Variants in NBPF9 observed in about 807,000 individuals in gnomAD.
NBPF9 encodes NBPF family member NBPF9.
NBPF9 carries 91 observed loss-of-function variants against 97.8 expected under a neutral mutation model. That is an observed-to-expected ratio of 0.93 (90% CI 0.79 to 1.11). The LOEUF (loss-of-function observed/expected upper bound fraction) is 1.11, where lower values mean the gene tolerates loss of function less well. NBPF9 is among the 50% of genes least tolerant of loss of function. NBPF9 has a pLI of 0.00. For synonymous variants in NBPF9, 334 were observed against 359.5 expected (o/e 0.93, Z 0.80); for missense variants, 992 against 939.5 (o/e 1.06, Z -0.73).
rs1318050586 is a variant in NBPF9, at chr1:149,089,074, G to A, written c.-195+1679C>T. 3.2e-4 allele frequency among the ~76,000 whole-genome samples: 49 copies of A among 151,884 alleles called. 1 individual carries two copies. Among genetic ancestry groups the A allele is most frequent in the Non-Finnish European group, 3.8e-4 (26 of 67,974 alleles). ...GGAAATCCCTCCCGCCTTGTCTCTAGACAGCCAAGTCCCACGGCCTGTCCT... is the reference window on the plus strand; with the variant it reads ...GGAAATCCCTCCCGCCTTGTCTCTAAACAGCCAAGTCCCACGGCCTGTCCT... On this transcript the variant is annotated intron_variant, in intron 5 of 29. Transcript: ENST00000584027.
intron 25 of NBPF9, chr1:149,059,461 T>G: frequency 2.5e-6 from 1 of 400,782 alleles, no homozygotes; most frequent in Non-Finnish European, 4.5e-6. Context: ...CAAAATTCGA[T>G]GCAGTGGCCA....
chr1:149,060,228 TGAG>T (rs2078510921), intron 24 of NBPF9: 1 of 200,778 alleles, frequency 5.0e-6, no homozygotes, highest in Non-Finnish European at 9.4e-6. Flanking sequence ...TACAAACCCT[TGAG>T]TCAAAATCAT....
At chr1:149,101,239 G>A (rs2082127174) in intron 3 of NBPF9, 23 bp downstream of exon 3, 1 of 150,324 alleles carries the variant, frequency 6.7e-6, no homozygotes, top group African/African-American at 2.4e-5. Context: ...ATACAGAAAA[G>A]AGCTGAGTGT....
intron 17 of NBPF9, among the ~76,000 whole-genome samples, chr1:149,069,136 A>G (rs587641523): frequency 6.6e-6 from 1 of 152,032 alleles, no homozygotes; most frequent in East Asian, 1.9e-4. Flanking sequence ...TGTAGAGGGA[A>G]AATTATAGCA....
chr1:149,073,690 TA>T (rs1426312550), intron 13 of NBPF9, 77 bp downstream of exon 13: 4 of 1,131,674 alleles, frequency 3.5e-6, no homozygotes, highest in Non-Finnish European at 5.4e-6. Context: ...GCTTAGCTCT[TA>T]CGTCTCCCCA....
chr1:149,060,135 A>T (rs1294270337), intron 24 of NBPF9: 1 of 228,242 alleles, frequency 4.4e-6, no homozygotes, highest in African/African-American at 3.4e-5. Context: ...AAACTGCAAT[A>T]TTTAGCCCTG....
chr1:149,090,032 T>C (rs2081315719), intron 5 of NBPF9, among the ~76,000 whole-genome samples: 1 of 151,934 alleles, frequency 6.6e-6, no homozygotes, highest in African/African-American at 2.4e-5. Flanking sequence ...TTCTTCACCT[T>C]TTCAATAAAC....
chr1:149,078,948 G>A (rs2080149960), intron 9 of NBPF9, 59 bp downstream of exon 9: 13 of 1,409,976 alleles, frequency 9.2e-6, no homozygotes, highest in South Asian at 1.2e-5. Context: ...AAAGTATGGA[G>A]GTCTGGAGCC....
At chr1:149,064,017 G>T (rs879149699) in intron 19 of NBPF9, among the ~76,000 whole-genome samples, 1 of 101,748 alleles carries the variant, frequency 9.8e-6, no homozygotes, top group Non-Finnish European at 2.1e-5. Flanking sequence ...CACAGACACA[G>T]ACACACACAC....
chr1:149,074,546 C>T (rs1372040087), intron 12 of NBPF9, among the ~76,000 whole-genome samples: 1 of 151,386 alleles, frequency 6.6e-6, no homozygotes, highest in Non-Finnish European at 1.5e-5. Context: ...TCATGTAATT[C>T]ACTGCAGCAA....
chr1:149,098,595 C>G, exon 4 of NBPF9: 2 of 1,382,256 alleles, frequency 1.4e-6, no homozygotes, highest in Non-Finnish European at 1.9e-6. Flanking sequence ...CAAGAACACA[C>G]AGCACTGAAG....
At chr1:149,101,117 T>C (rs1488991468) in intron 3 of NBPF9, 145 bp downstream of exon 3, 1 of 151,596 alleles carries the variant, frequency 6.6e-6, no homozygotes, top group African/African-American at 2.4e-5. Flanking sequence ...CTGGGTGCAG[T>C]GGCTCATGCC....
exon 30 of NBPF9, chr1:149,055,850 A>C: frequency 6.2e-7 from 1 of 1,606,634 alleles, no homozygotes; most frequent in Non-Finnish European, 8.5e-7. Flanking sequence ...CCATCCAGTG[A>C]GTCCTGCAAG....
intron 25 of NBPF9, 108 bp from the exon 26 acceptor site, chr1:149,059,205 C>T: frequency 4.6e-6 from 2 of 436,630 alleles, no homozygotes; most frequent in Non-Finnish European, 4.2e-6. Context: ...AGAAAAAGGA[C>T]AGATCCATTA....
At chr1:149,056,016 T>A (rs1553648839) in intron 29 of NBPF9, 117 bp from the exon 30 acceptor site, 1 of 1,588,842 alleles carries the variant, frequency 6.3e-7, no homozygotes, top group African/African-American at 1.4e-5. Context: ...ATAGATCCAT[T>A]AATGAGGTAA....
chr1:149,055,619 C>A (rs782479587), exon 30 of NBPF9: 3 of 1,611,522 alleles, frequency 1.9e-6, no homozygotes, highest in Middle Eastern at 2.3e-4. Context: ...TAGGTCCTGC[C>A]TGCAGGAATG....
At chr1:149,085,100 G>A (rs1343465080) in intron 5 of NBPF9, among the ~76,000 whole-genome samples, 2 of 151,852 alleles carry the variant, frequency 1.3e-5, no homozygotes, top group Non-Finnish European at 2.9e-5. Flanking sequence ...TTAATTTCAG[G>A]AGTCATCACT....
Position 149,086,366 on chromosome 1 carries a change from G to A in NBPF9, c.-194-3936C>T, listed in dbSNP as rs1285331016. 4.0e-5 allele frequency among the ~76,000 whole-genome samples: 6 copies of A among 150,978 alleles called. No individual in the cohort carries two copies. The East Asian group carries it at 1.2e-3, about 29-fold the overall frequency. ...AGAGTTTTGCCTAGGTTTTTCCTGG[G>A]CCTTAAAGCATGACGAAATAACGAA... On this transcript the variant is annotated intron_variant, in intron 5 of 29. Coordinates refer to ENST00000584027, the Ensembl canonical transcript of NBPF9.
intron 21 of NBPF9, among the ~76,000 whole-genome samples, chr1:149,062,472 A>T (rs868907626): frequency 6.9e-6 from 1 of 144,622 alleles, no homozygotes; most frequent in Non-Finnish European, 1.5e-5. Flanking sequence ...AGGGAGAGAG[A>T]GAGAGAGGAG....
Sources: gnomAD v4.1 joint callset for allele counts (sites outside exome capture counted in the v4.1 genomes callset) on GRCh38, gnomAD v4.1.1 for gene constraint, MANE v1.5 for transcripts, NCBI Gene and HGNC (gene_info 2026-07-23, HGNC 2026-07-21) for gene names.